Variants in OLFML2B observed in about 807,000 individuals in gnomAD.
The protein encoded by OLFML2B is olfactomedin-like protein 2B.
OLFML2B carries 57 observed loss-of-function variants against 74.9 expected under a neutral mutation model. That is an observed-to-expected ratio of 0.76 (90% confidence interval 0.61 to 0.95). The LOEUF (loss-of-function observed/expected upper bound fraction) is 0.95, where lower values mean the gene tolerates loss of function less well. Ranked by LOEUF, OLFML2B falls within the 40% of genes least tolerant of loss-of-function variation. OLFML2B has a pLI of 0.00. For missense variants in OLFML2B, 986 were observed against 970.6 expected (o/e 1.02, Z -0.21); for synonymous variants, 388 against 405.8 (o/e 0.96, Z 0.53).
At chr1:162,019,223 A>G (rs912950174) in intron 2 of OLFML2B, among the ~76,000 whole-genome samples, 4 of 152,180 alleles carry the variant, frequency 2.6e-5, no homozygotes, top group African/African-American at 9.7e-5. Context: ...TTGTTATCTC[A>G]TTACTCCACC....
In OLFML2B at chr1:162,023,850, CGGGCTGCTGGGCGA is replaced by C. The variant is rs542036296; in HGVS notation, c.-434_-421del. On this transcript the variant is annotated 5_prime_UTR_variant, in exon 1 of 8. Transcript: ENST00000294794. ...GGGGAGGGAAGAGGCGGTGGCGGCGCGGGCTGCTGGGCGAGGGCTGCTGGGCTAGGGAGCCGCGG... is the reference window on the plus strand; with the variant it reads ...GGGGAGGGAAGAGGCGGTGGCGGCGCGGGCTGCTGGGCTAGGGAGCCGCGG... 3.2e-3 allele frequency: 496 copies of C among 157,196 alleles called. 1 individual carries two copies. The highest frequency in any genetic ancestry group is 0.011 in the African/African-American group (445 of 41,654). 9.7% of individuals were successfully genotyped at this position (157,196 alleles called of 1,614,324 possible).
intron 5 of OLFML2B, 104 bp from the exon 6 acceptor site, chr1:161,998,453 A>G: frequency 2.3e-6 from 3 of 1,297,090 alleles, no homozygotes; most frequent in Middle Eastern, 2.2e-4. Flanking sequence ...GCCTTTCCTT[A>G]ACACGACGGC....
chr1:162,023,436 G>T lies in OLFML2B; in HGVS notation c.-6C>A. Reference sequence around the variant, plus strand: ...AGCAGCCGAGGCTTGGCCATGAGGGGCGCGATAAGAGTGTCCTCAGCCCCT... The same window carrying T: ...AGCAGCCGAGGCTTGGCCATGAGGGTCGCGATAAGAGTGTCCTCAGCCCCT... On this transcript the variant is annotated 5_prime_UTR_variant, in exon 1 of 8. Coordinates refer to ENST00000294794, the MANE Select transcript of OLFML2B (RefSeq NM_015441.3). The T allele has an allele frequency of 6.4e-7, 1 of 1,552,162 alleles. No homozygotes were observed.
At position 161,993,697 on chromosome 1, in the gene OLFML2B, A is replaced by G. The variant is rs568758417; in HGVS notation, c.1474+4128T>C. 6.6e-5 allele frequency among the ~76,000 whole-genome samples: 10 copies of G among 152,146 alleles called. 1 individual carries two copies. The South Asian group carries it at 1.7e-3, about 25-fold the overall frequency. On this transcript the variant is annotated intron_variant, in intron 6 of 7. Transcript: ENST00000294794. ...TGCTGGCGTACCTGGGCTGCCTTCC[A>G]TTCCCTGCCCAACCTGGCGCATGCT...
At chr1:162,000,081 C>A (rs200215595) in intron 5 of OLFML2B, 32 bp downstream of exon 5, 376 of 1,526,610 alleles carry the variant, frequency 2.5e-4, no homozygotes, top group Non-Finnish European at 3.2e-4. Flanking sequence ...CCCTACCCTG[C>A]CTCTGGGGCG....
At chr1:161,989,450 C>T (rs1689675614) in intron 6 of OLFML2B, among the ~76,000 whole-genome samples, 1 of 152,156 alleles carries the variant, frequency 6.6e-6, no homozygotes, top group African/African-American at 2.4e-5. Flanking sequence ...CATAAAAACA[C>T]ATCTTAGGAT....
chr1:162,008,851 A>G (rs12025294), intron 3 of OLFML2B, among the ~76,000 whole-genome samples: 14,773 of 152,232 alleles, frequency 0.097, 765 homozygotes, highest in East Asian at 0.21. Flanking sequence ...GGGCTGTTTT[A>G]TAGGAGCTGA....
chr1:162,010,393 A>C (rs1469962674), intron 3 of OLFML2B, among the ~76,000 whole-genome samples: 1 of 152,234 alleles, frequency 6.6e-6, no homozygotes, highest in African/African-American at 2.4e-5. Context: ...AGATGCACAC[A>C]CACCAGAGGG....
intron 3 of OLFML2B, among the ~76,000 whole-genome samples, chr1:162,014,246 AC>A (rs1271337529): frequency 6.6e-6 from 1 of 152,210 alleles, no homozygotes; most frequent in Middle Eastern, 3.2e-3. Flanking sequence ...AGTATTTAAA[AC>A]AAAAGCTTAC....
At chr1:161,986,137 C>A (rs1294206321) in intron 6 of OLFML2B, among the ~76,000 whole-genome samples, 1 of 152,194 alleles carries the variant, frequency 6.6e-6, no homozygotes, top group Admixed American at 6.5e-5. Context: ...CTTCCTTACC[C>A]CCTGCTGGCA....
In OLFML2B at chr1:162,023,850, C is replaced by CG. The variant is rs1329000789; in HGVS notation, c.-421dup. On this transcript the variant is annotated 5_prime_UTR_variant, in exon 1 of 8. Transcript: ENST00000294794. ...GGGGAGGGAAGAGGCGGTGGCGGCG[C>CG]GGGCTGCTGGGCGAGGGCTGCTGGG... 1 of 157,084 alleles carries CG rather than the reference C, an allele frequency of 6.4e-6. No individual in the cohort carries two copies. The highest frequency in any genetic ancestry group is 2.4e-5 in the African/African-American group (1 of 41,534). 9.7% of individuals were successfully genotyped at this position (157,084 alleles called of 1,614,324 possible).
chr1:161,996,182 G>T (rs1276125941), intron 6 of OLFML2B, among the ~76,000 whole-genome samples: 3 of 152,252 alleles, frequency 2.0e-5, no homozygotes, highest in South Asian at 4.2e-4. Flanking sequence ...CCATTATTCT[G>T]AAACTTTCAC....
In OLFML2B at chr1:161,983,906, G is replaced by T; in HGVS notation, c.2022C>A (p.Gly674=). 2 of 1,614,232 alleles carry T rather than the reference G, an allele frequency of 1.2e-6. No individual in the cohort carries two copies. The highest frequency in any genetic ancestry group is 2.2e-5 in the South Asian group (2 of 91,084). ...GCACCCCACAGATGACGAAGCAGTT[G>T]CCGTAGAAATTCCTCCGGAGCCCCG... is the stretch of plus-strand genomic sequence containing the variant. The part of the protein sequence containing the change: ...WRTGLRRNFY[G]NCFVICGVLY... Residue 674 remains glycine, a synonymous_variant, in exon 8 of 8, where the codon GGC becomes GGA. Transcript: ENST00000294794.
rs374627959 is a variant in OLFML2B, at chr1:162,006,281, G to A, written c.723+16C>T. Reference sequence around the variant, plus strand: ...CAGGGCTTGTGATCAGAGGCCCTTGGAGGCTGGGGCTATACCTCTGGGTGG... The same window carrying A: ...CAGGGCTTGTGATCAGAGGCCCTTGAAGGCTGGGGCTATACCTCTGGGTGG... On this transcript the variant is annotated intron_variant, in intron 4 of 7. Coordinates refer to ENST00000294794, the MANE Select transcript of OLFML2B (RefSeq NM_015441.3). The A allele has an allele frequency of 1.9e-4, 292 of 1,540,896 alleles. No individual in the cohort carries two copies. In the Middle Eastern group the frequency reaches 6.7e-3, roughly 35 times the overall value.
chr1:162,009,327 G>A (rs1055412951), intron 3 of OLFML2B, among the ~76,000 whole-genome samples: 4 of 152,166 alleles, frequency 2.6e-5, no homozygotes, highest in African/African-American at 7.2e-5. Flanking sequence ...ACTAAAGGTG[G>A]TGACACCTCT....
At position 161,983,321 on chromosome 1, in the gene OLFML2B, G is replaced by A. The variant is rs1380917051; in HGVS notation, c.*354C>T. ...TCTTGCCTCTTTCATTTCTGCTCCT[G>A]GTGTTGCCTGCCTCCTGCAAGACCC... On this transcript the variant is annotated 3_prime_UTR_variant, in exon 8 of 8. Transcript: ENST00000294794. The A allele has an allele frequency of 5.7e-6, 1 of 175,740 alleles. No individual in the cohort carries two copies. Among genetic ancestry groups the A allele is most frequent in the Non-Finnish European group, 1.2e-5 (1 of 84,148 alleles). The allele number at this position is 175,740 out of a possible 1,614,324, so 10.9% of individuals were successfully genotyped here.
chr1:161,999,625 A>G (rs1690025312), intron 5 of OLFML2B, among the ~76,000 whole-genome samples: 1 of 152,186 alleles, frequency 6.6e-6, no homozygotes, highest in South Asian at 2.1e-4. Context: ...AGGAAGAGGA[A>G]GAAGCCTAAG....
intron 4 of OLFML2B, among the ~76,000 whole-genome samples, chr1:162,000,790 G>C (rs991995346): frequency 1.3e-5 from 2 of 152,144 alleles, no homozygotes; most frequent in African/African-American, 4.8e-5. Flanking sequence ...AAGGATGCCT[G>C]GGCTGGGACA....
intron 7 of OLFML2B, 109 bp downstream of exon 7, chr1:161,984,695 G>T: frequency 3.5e-6 from 4 of 1,127,828 alleles, no homozygotes; most frequent in Non-Finnish European, 5.2e-6. Context: ...ATCAGAAGAA[G>T]GTGTCATCCT....
Sources: gnomAD v4.1 joint callset for allele counts (sites outside exome capture counted in the v4.1 genomes callset) on GRCh38, gnomAD v4.1.1 for gene constraint, MANE v1.5 for transcripts, NCBI Gene and HGNC (gene_info 2026-07-23, HGNC 2026-07-21) for gene names.